Variants in CDH10 observed in about 807,000 individuals in gnomAD.
The protein encoded by CDH10 is cadherin 10.
In CDH10, 30 loss-of-function variants were observed where a neutral mutation model predicts 73.1. That is an observed-to-expected ratio of 0.41 (90% CI 0.31 to 0.56). The LOEUF (loss-of-function observed/expected upper bound fraction) is 0.56. Ranked by LOEUF, CDH10 falls within the 20% of genes least tolerant of loss-of-function variation. The probability of loss-of-function intolerance (pLI) is 0.27; values close to 1 mark genes in which losing one functional copy is unlikely to be tolerated. For missense variants in CDH10, 815 were observed against 973.7 expected (o/e 0.84, Z 2.17); for synonymous variants, 345 against 348.2 (o/e 0.99, Z 0.10).
At chr5:24,541,491 T>C (rs1440256550) in intron 2 of CDH10, among the ~76,000 whole-genome samples, 1 of 152,044 alleles carries the variant, frequency 6.6e-6, no homozygotes, top group Non-Finnish European at 1.5e-5. Context: ...GTAACAACAC[T>C]TGGATTTAAA....
intron 2 of CDH10, among the ~76,000 whole-genome samples, chr5:24,539,785 C>T (rs1744084529): frequency 6.6e-6 from 1 of 151,950 alleles, no homozygotes; most frequent in Non-Finnish European, 1.5e-5. Context: ...TAAAAAAAGT[C>T]ACAAGACTGA....
intron 7 of CDH10, among the ~76,000 whole-genome samples, chr5:24,507,750 A>C (rs1206046539): frequency 2.0e-5 from 3 of 152,114 alleles, no homozygotes; most frequent in African/African-American, 7.2e-5. Flanking sequence ...TGGTTATATA[A>C]AACTTTCAAA....
chr5:24,505,279 G>A (rs2111728371), intron 7 of CDH10, 31 bp from the exon 8 acceptor site: 1 of 1,595,956 alleles, frequency 6.3e-7, no homozygotes, highest in Non-Finnish European at 8.6e-7. Flanking sequence ...AAAATACATG[G>A]CAGCATTATT....
chr5:24,488,101 C>G lies in CDH10; in HGVS notation c.1929G>C (p.Leu643=), dbSNP rs1324093500. The G allele has an allele frequency of 6.2e-7, 1 of 1,612,816 alleles. No individual in the cohort carries two copies. The highest frequency in any genetic ancestry group is 8.5e-7 in the Non-Finnish European group (1 of 1,179,520). Residue 643 remains leucine, a synonymous_variant, in exon 12 of 12, where the codon CTG becomes CTC. Transcript: ENST00000264463. ...CTCTGATATCTTCTTTTGACAAGAT[C>G]AGAGGCTCTTTTTTTCGCTGTCTTT... The part of the protein sequence containing the change: ...ALKRQRKKEP[L]ILSKEDIRDN...
chr5:24,535,538 T>G (rs1743920129), intron 4 of CDH10, among the ~76,000 whole-genome samples, 165 bp downstream of exon 4: 1 of 152,128 alleles, frequency 6.6e-6, no homozygotes, highest in African/African-American at 2.4e-5. Context: ...TTTCCATTAG[T>G]TCACTCTATC....
chr5:24,545,089 A>G (rs1257385281), intron 2 of CDH10, among the ~76,000 whole-genome samples: 1 of 152,208 alleles, frequency 6.6e-6, no homozygotes, highest in Admixed American at 6.5e-5. Flanking sequence ...GTATTAGCTT[A>G]TCACTTGTAA....
chr5:24,542,442 T>A (rs895189734), intron 2 of CDH10, among the ~76,000 whole-genome samples: 1 of 152,178 alleles, frequency 6.6e-6, no homozygotes, highest in African/African-American at 2.4e-5. Context: ...CGAAGACTTA[T>A]CATTGTGTTA....
chr5:24,526,065 A>T (rs1333411281), intron 5 of CDH10, among the ~76,000 whole-genome samples: 1 of 152,004 alleles, frequency 6.6e-6, no homozygotes, highest in East Asian at 1.9e-4. Context: ...CTCACCTGAA[A>T]TTGTAAGTGT....
intron 8 of CDH10, among the ~76,000 whole-genome samples, chr5:24,500,805 A>G (rs1242975813): frequency 6.6e-6 from 1 of 152,190 alleles, no homozygotes; most frequent in Non-Finnish European, 1.5e-5. Flanking sequence ...TATGTTACTT[A>G]AAAACTTATG....
At chr5:24,501,600 C>A (rs900014912) in intron 8 of CDH10, among the ~76,000 whole-genome samples, 1 of 152,118 alleles carries the variant, frequency 6.6e-6, no homozygotes, top group African/African-American at 2.4e-5. Flanking sequence ...GAAGCCATGA[C>A]GATGCATCCA....
At chr5:24,508,956 T>C (rs1742795823) in intron 7 of CDH10, among the ~76,000 whole-genome samples, 1 of 152,120 alleles carries the variant, frequency 6.6e-6, no homozygotes, top group African/African-American at 2.4e-5. Flanking sequence ...ATCAGAACAA[T>C]AAACACCGTA....
intron 1 of CDH10, among the ~76,000 whole-genome samples, chr5:24,594,552 C>T (rs1379289508): frequency 2.0e-5 from 3 of 151,898 alleles, no homozygotes; most frequent in African/African-American, 7.2e-5. Flanking sequence ...CCATGTTTCA[C>T]TTTAACCCTC....
chr5:24,550,288 A>G (rs1027689819), intron 2 of CDH10, among the ~76,000 whole-genome samples: 2 of 152,138 alleles, frequency 1.3e-5, no homozygotes, highest in African/African-American at 2.4e-5. Context: ...TCTTCAATAC[A>G]AAGTTACCAT....
At chr5:24,553,212 A>C (rs1013434525) in intron 2 of CDH10, among the ~76,000 whole-genome samples, 1 of 126,752 alleles carries the variant, frequency 7.9e-6, no homozygotes, top group Non-Finnish European at 1.7e-5. Flanking sequence ...CCACGGATTT[A>C]TTTCTTTCAG....
chr5:24,578,710 A>C (rs1174359172), intron 2 of CDH10: 1 of 152,554 alleles, frequency 6.6e-6, no homozygotes, highest in Non-Finnish European at 1.5e-5. Context: ...TCTACAACAA[A>C]ACTGTGGCAT....
intron 11 of CDH10, among the ~76,000 whole-genome samples, chr5:24,489,353 T>A (rs1018314741): frequency 1.3e-5 from 2 of 152,136 alleles, no homozygotes; most frequent in African/African-American, 4.8e-5. Context: ...TTTAATGTCA[T>A]GAAAAAGAAA....
chr5:24,535,697 C>A lies in CDH10; in HGVS notation c.646+6G>T, dbSNP rs2111882118. 6.2e-7 allele frequency: 1 copy of A among 1,605,700 alleles called. No homozygotes were observed. The highest frequency in any genetic ancestry group is 1.1e-5 in the South Asian group (1 of 90,382). On this transcript the variant is annotated splice_donor_region_variant and intron_variant, in intron 4 of 11. Coordinates refer to ENST00000264463, the MANE Select transcript of CDH10 (RefSeq NM_006727.5). Reference sequence around the variant, plus strand: ...AATGAACAAACAGCAATTCATGATTCCTGACCTGTTTCAGGCTCCACAGAG... The same window carrying A: ...AATGAACAAACAGCAATTCATGATTACTGACCTGTTTCAGGCTCCACAGAG...
intron 2 of CDH10, among the ~76,000 whole-genome samples, chr5:24,575,355 C>CAAAAAAA (rs751333761): frequency 8.1e-6 from 1 of 123,850 alleles, no homozygotes; most frequent in African/African-American, 3.4e-5. Context: ...ACAAAAACAA[C>CAAAAAAA]AAAAAAAAAA....
chr5:24,491,966 C>T, intron 10 of CDH10, 139 bp from the exon 11 acceptor site: 1 of 566,298 alleles, frequency 1.8e-6, no homozygotes, highest in South Asian at 2.7e-5. Context: ...AAAACAAGTA[C>T]AATGCAATTA....
Sources: gnomAD v4.1 joint callset for allele counts (sites outside exome capture counted in the v4.1 genomes callset) on GRCh38, gnomAD v4.1.1 for gene constraint, MANE v1.5 for transcripts, NCBI Gene and HGNC (gene_info 2026-07-23, HGNC 2026-07-21) for gene names.